The following PHF11 variants were observed in gnomAD, a reference collection of about 807,000 sequenced individuals.
The protein encoded by PHF11 is BRCA1 C-terminus-associated protein.
Under a neutral mutation model 40.5 loss-of-function variants are expected in PHF11, and 38 were observed. The observed-to-expected ratio is 0.94, with a 90% CI of 0.72 to 1.23. PHF11 has a LOEUF of 1.23. Among genes scored for constraint, PHF11 ranks in the 50% most tolerant of loss-of-function variants. The pLI, the probability that PHF11 is intolerant of heterozygous loss-of-function variation, is 0.00. For missense variants in PHF11, 369 were observed against 392.4 expected, an observed-to-expected ratio of 0.94 and a Z score of 0.50; for synonymous variants, 127 against 138.2, an observed-to-expected ratio of 0.92 and a Z score of 0.57.
intron 2 of PHF11, among the ~76,000 whole-genome samples, chr13:49,508,551 G>A (rs2139045314): frequency 6.6e-6 from 1 of 151,094 alleles, no homozygotes; most frequent in South Asian, 2.1e-4. Context: ...GTTTTGTTTT[G>A]TTTTGTTACT....
At chr13:49,508,389 A>G (rs1322897748) in intron 2 of PHF11, among the ~76,000 whole-genome samples, 2 of 147,438 alleles carry the variant, frequency 1.4e-5, no homozygotes, top group Non-Finnish European at 3.0e-5. Flanking sequence ...ATTATATATT[A>G]TAATATATGA....
At chr13:49,513,496 A>G (rs758684740) in intron 3 of PHF11, among the ~76,000 whole-genome samples, 1 of 151,746 alleles carries the variant, frequency 6.6e-6, no homozygotes, top group African/African-American at 2.4e-5. Context: ...ATGCTCGGCA[A>G]ATTTTTGTAT....
intron 8 of PHF11, among the ~76,000 whole-genome samples, chr13:49,524,537 C>A (rs1310349363): frequency 6.7e-6 from 1 of 150,194 alleles, no homozygotes; most frequent in African/African-American, 2.5e-5. Flanking sequence ...TGCAGTGGTG[C>A]GATCTTGCCT....
At chr13:49,516,776 G>A (rs1248085173) in intron 3 of PHF11, among the ~76,000 whole-genome samples, 1 of 151,772 alleles carries the variant, frequency 6.6e-6, no homozygotes, top group Non-Finnish European at 1.5e-5. Flanking sequence ...GTAGAGATGA[G>A]GTCTCACTGT....
intron 9 of PHF11, 80 bp downstream of exon 9, chr13:49,526,538 T>C: frequency 1.3e-6 from 1 of 791,124 alleles, no homozygotes; most frequent in South Asian, 1.5e-5. Context: ...ACTGTACAGG[T>C]GATAAAAATA....
At chr13:49,513,251 CCAGG>C (rs777362845) in intron 3 of PHF11, 85 bp downstream of exon 3, 19 of 656,348 alleles carry the variant, frequency 2.9e-5, no homozygotes, top group Non-Finnish European at 4.9e-5. Context: ...GACTGATACA[CCAGG>C]GATAGAGAAG....
intron 4 of PHF11, chr13:49,518,768 A>G (rs964894843): frequency 6.6e-6 from 1 of 151,996 alleles, no homozygotes; most frequent in Non-Finnish European, 1.5e-5. Flanking sequence ...TGTTGTCTTC[A>G]GGTATGGGGA....
chr13:49,517,521 T>C (rs1267193149), intron 3 of PHF11, among the ~76,000 whole-genome samples: 1 of 152,254 alleles, frequency 6.6e-6, no homozygotes. Flanking sequence ...TAGATTCCCT[T>C]ACTTTATCTC....
chr13:49,512,474 C>T (rs1959092963), intron 2 of PHF11, among the ~76,000 whole-genome samples: 2 of 152,146 alleles, frequency 1.3e-5, no homozygotes, highest in Non-Finnish European at 2.9e-5. Context: ...TTCTCATGCC[C>T]TTTTGTTATT....
At position 49,526,426 on chromosome 13, in the gene PHF11, T is replaced by G; in HGVS notation, c.809T>G (p.Leu270Trp). 1.9e-6 allele frequency: 3 copies of G among 1,609,978 alleles called. No homozygotes were observed. The highest frequency in any genetic ancestry group is 2.6e-6 in the Non-Finnish European group (3 of 1,176,240). Residue 270 changes from leucine to tryptophan, a missense_variant, in exon 9 of 10, where the codon TTG becomes TGG. Coordinates refer to ENST00000378319, the MANE Select transcript of PHF11 (RefSeq NM_001040443.3). ...EIGSALFDCR[L>W]FEDTFVNFQA... is the part of the protein sequence containing the mutation. ...GGGAGTGCACTTTTTGACTGTAGAT[T>G]GTTCGAAGACACATTTGTAAATTTT...
chr13:49,506,575 G>C (rs538739462), intron 1 of PHF11, 60 bp from the exon 2 acceptor site: 1 of 1,514,632 alleles, frequency 6.6e-7, no homozygotes, highest in Non-Finnish European at 9.1e-7. Context: ...GACTGGAAGA[G>C]GAGTTAGTGA....
At chr13:49,520,811 C>T (rs898348801) in intron 4 of PHF11, 83 bp from the exon 5 acceptor site, 13 of 948,918 alleles carry the variant, frequency 1.4e-5, no homozygotes, top group African/African-American at 5.1e-5. Flanking sequence ...TAGGTTGGTA[C>T]GTTTTTAATC....
intron 3 of PHF11, among the ~76,000 whole-genome samples, chr13:49,515,455 TACACACACACACACACAC>T (rs61316360): frequency 0.21 from 29,242 of 137,634 alleles, 3,443 homozygotes; most frequent in Middle Eastern, 0.37. Context: ...CCATCTCCTA[TACACACACACACACACAC>T]ACACACACAC....
At chr13:49,513,458 G>A (rs1229086423) in intron 3 of PHF11, among the ~76,000 whole-genome samples, 1 of 151,432 alleles carries the variant, frequency 6.6e-6, no homozygotes, top group Non-Finnish European at 1.5e-5. Flanking sequence ...AGCCTCCCGA[G>A]TAGCTAGGAT....
At chr13:49,509,494 A>T (rs916791009) in intron 2 of PHF11, among the ~76,000 whole-genome samples, 4 of 152,154 alleles carry the variant, frequency 2.6e-5, no homozygotes, top group African/African-American at 7.2e-5. Flanking sequence ...TACAGGCATG[A>T]GTCACTGTGC....
At chr13:49,506,816 GAATAGATA>G in intron 2 of PHF11, 60 bp downstream of exon 2, 1 of 1,168,246 alleles carries the variant, frequency 8.6e-7, no homozygotes, top group Non-Finnish European at 1.2e-6. Context: ...GGACACATAA[GAATAGATA>G]AACAACACTT....
In PHF11 at chr13:49,521,310, G is replaced by T. The variant is rs568268545; in HGVS notation, c.505+370G>T. On this transcript the variant is annotated intron_variant, in intron 5 of 9. Transcript: ENST00000378319. ...CTTCCCTGAGTGAAAATTCCCTAAGGATGCATGGTTAGCATTTCAGTTCTA... is the reference window on the plus strand; with the variant it reads ...CTTCCCTGAGTGAAAATTCCCTAAGTATGCATGGTTAGCATTTCAGTTCTA... The T allele has an allele frequency of 8.9e-5, 89 of 995,084 alleles. No individual in the cohort carries two copies. The Middle Eastern group carries it at 2.0e-3, about 23-fold the overall frequency. 61.6% of individuals were successfully genotyped at this position (995,084 alleles called of 1,614,324 possible).
intron 6 of PHF11, among the ~76,000 whole-genome samples, chr13:49,522,758 G>GTTTTTTTTTTTTTTTTTTTTTTTTTTT (rs1200697917): frequency 2.8e-5 from 1 of 35,818 alleles, no homozygotes. Context: ...ATGAATATGG[G>GTTTTTTTTTTTTTTTTTTTTTTTTTTT]GTTTTTTTGT....
At chr13:49,509,530 A>G (rs1397418259) in intron 2 of PHF11, among the ~76,000 whole-genome samples, 1 of 152,190 alleles carries the variant, frequency 6.6e-6, no homozygotes, top group Non-Finnish European at 1.5e-5. Context: ...TATTTTCTAC[A>G]AATAAGGTGA....
Sources: gnomAD v4.1 joint callset for allele counts (sites outside exome capture counted in the v4.1 genomes callset) on GRCh38, gnomAD v4.1.1 for gene constraint, MANE v1.5 for transcripts, NCBI Gene and HGNC (gene_info 2026-07-23, HGNC 2026-07-21) for gene names.